Variants in ABI3BP observed in about 807,000 individuals in gnomAD.
ABI3BP encodes the protein ABI family member 3 binding protein.
Under a neutral mutation model 268.6 loss-of-function variants are expected in ABI3BP, and 216 were observed. The observed-to-expected ratio is 0.80, with a 90% CI of 0.72 to 0.90. The LOEUF is 0.90. Among genes scored for constraint, ABI3BP ranks in the 40% least tolerant of loss-of-function variants. ABI3BP has a pLI of 0.00. For missense variants in ABI3BP, 2,090 were observed against 2,182.4 expected, an observed-to-expected ratio of 0.96 and a Z score of 0.84; for synonymous variants, 730 against 730.0, an observed-to-expected ratio of 1.00 and a Z score of 0.00.
intron 57 of ABI3BP, among the ~76,000 whole-genome samples, chr3:100,780,975 G>A (rs1277035347): frequency 1.3e-5 from 2 of 151,332 alleles, no homozygotes; most frequent in Non-Finnish European, 3.0e-5. Flanking sequence ...ATCTTCCTTG[G>A]TTTGGGTGAC....
chr3:100,956,167 C>A (rs557603920), intron 1 of ABI3BP, among the ~76,000 whole-genome samples: 328 of 147,400 alleles, frequency 2.2e-3, no homozygotes, highest in Non-Finnish European at 3.9e-3. Context: ...CTAGCCTGGG[C>A]GACAGAGCAA....
intron 2 of ABI3BP, among the ~76,000 whole-genome samples, chr3:100,922,360 C>T (rs1308155373): frequency 6.6e-6 from 1 of 152,040 alleles, no homozygotes; most frequent in Admixed American, 6.6e-5. Flanking sequence ...TGTGAGGTTG[C>T]GTGACAAAGG....
rs775161710 is a variant in ABI3BP, at chr3:100,762,805, T to C, written c.4850+3036A>G. Among the ~76,000 whole-genome samples, 5 of 152,246 alleles carry C rather than the reference T, an allele frequency of 3.3e-5. No individual in the cohort carries two copies. The Middle Eastern group carries it at 0.01, about 311-fold the overall frequency. ...ATTGAACTCCTTGACCACCATAAAG[T>C]TTCACATACTGAGGACTAAACAGTG... On this transcript the variant is annotated intron_variant, in intron 63 of 67. Coordinates refer to ENST00000471714, the MANE Select transcript of ABI3BP (RefSeq NM_001375547.2).
At chr3:100,806,968 C>T (rs1244124977) in intron 50 of ABI3BP, among the ~76,000 whole-genome samples, 2 of 151,976 alleles carry the variant, frequency 1.3e-5, no homozygotes, top group East Asian at 1.9e-4. Flanking sequence ...ATAAATTTTT[C>T]CTATTACTTC....
At chr3:100,905,792 T>A (rs1472546330) in intron 2 of ABI3BP, among the ~76,000 whole-genome samples, 1 of 152,212 alleles carries the variant, frequency 6.6e-6, no homozygotes. Flanking sequence ...TATAAAGATA[T>A]AAAGTAAACT....
At chr3:100,761,455 T>C (rs1451672459) in intron 63 of ABI3BP, among the ~76,000 whole-genome samples, 1 of 152,174 alleles carries the variant, frequency 6.6e-6, no homozygotes, top group Non-Finnish European at 1.5e-5. Flanking sequence ...GCTGCACCTT[T>C]GGAGCTGCAC....
At chr3:100,897,493 G>C (rs149938184) in intron 4 of ABI3BP, among the ~76,000 whole-genome samples, 1 of 152,082 alleles carries the variant, frequency 6.6e-6, no homozygotes, top group Non-Finnish European at 1.5e-5. Context: ...GTACAAAAAA[G>C]AATGAATTAT....
At chr3:100,818,431 TGACA>T in intron 41 of ABI3BP, 90 bp downstream of exon 41, 1 of 1,047,380 alleles carries the variant, frequency 9.5e-7, no homozygotes, top group Non-Finnish European at 1.4e-6. Context: ...TGACAAAGAA[TGACA>T]GGATGGTCTT....
intron 63 of ABI3BP, among the ~76,000 whole-genome samples, chr3:100,761,661 C>A (rs1405523476): frequency 6.6e-6 from 1 of 152,128 alleles, no homozygotes; most frequent in Non-Finnish European, 1.5e-5. Flanking sequence ...GGGGAATACT[C>A]CACTGTCACT....
At chr3:100,980,409 G>T (rs563957794) in intron 1 of ABI3BP, among the ~76,000 whole-genome samples, 23 of 152,180 alleles carry the variant, frequency 1.5e-4, no homozygotes, top group African/African-American at 4.6e-4. Context: ...AACATGGCAT[G>T]CACAGTGCAA....
chr3:100,869,946 T>G (rs923121247), intron 9 of ABI3BP, among the ~76,000 whole-genome samples: 1 of 152,198 alleles, frequency 6.6e-6, no homozygotes, highest in Non-Finnish European at 1.5e-5. Flanking sequence ...CTTGGGGATG[T>G]GTGTGTAATC....
chr3:100,854,902 C>A (rs1453386784), intron 14 of ABI3BP, among the ~76,000 whole-genome samples: 2 of 151,576 alleles, frequency 1.3e-5, no homozygotes, highest in Non-Finnish European at 2.9e-5. Context: ...TTGCTCTACA[C>A]CTTCTTAAAA....
At chr3:100,805,895 G>C (rs1160999766) in intron 50 of ABI3BP, among the ~76,000 whole-genome samples, 1 of 151,904 alleles carries the variant, frequency 6.6e-6, no homozygotes, top group Non-Finnish European at 1.5e-5. Flanking sequence ...TTCTCAAGGA[G>C]CTTCACAAAT....
At chr3:100,817,530 T>G (rs2098093182) in intron 41 of ABI3BP, 35 bp from the exon 42 acceptor site, 6 of 1,335,128 alleles carry the variant, frequency 4.5e-6, no homozygotes, top group Non-Finnish European at 6.0e-6. Context: ...CAAAAAGATT[T>G]AACTTGAATA....
intron 3 of ABI3BP, among the ~76,000 whole-genome samples, chr3:100,901,429 C>T (rs1389895069): frequency 6.7e-6 from 1 of 149,008 alleles, no homozygotes; most frequent in Non-Finnish European, 1.5e-5. Flanking sequence ...AAAAGATGAA[C>T]ATGCTTTGGC....
chr3:100,809,075 C>G lies in ABI3BP; in HGVS notation c.3608-840G>C, dbSNP rs549190356. On this transcript the variant is annotated intron_variant, in intron 49 of 67. Transcript: ENST00000471714. ...TGAAGGAGTCTGCAGAATCTTCTTC[C>G]TGATACTAAATGAAAAAATACAAGG... 1.9e-3 allele frequency among the ~76,000 whole-genome samples: 291 copies of G among 151,948 alleles called. 1 individual carries two copies. The highest frequency in any genetic ancestry group is 3.8e-3 in the Non-Finnish European group (259 of 67,940).
intron 1 of ABI3BP, among the ~76,000 whole-genome samples, chr3:100,958,518 G>A (rs2077629148): frequency 6.6e-6 from 1 of 152,220 alleles, no homozygotes; most frequent in Non-Finnish European, 1.5e-5. Context: ...TAAAACAGGA[G>A]TATATTATGA....
At chr3:100,815,204 T>C (rs1350667219) in intron 44 of ABI3BP, among the ~76,000 whole-genome samples, 1 of 152,148 alleles carries the variant, frequency 6.6e-6, no homozygotes, top group Non-Finnish European at 1.5e-5. Flanking sequence ...GAAAGCATTG[T>C]ATGTAGACTT....
intron 14 of ABI3BP, among the ~76,000 whole-genome samples, chr3:100,853,037 G>A (rs1042394952): frequency 6.6e-6 from 1 of 152,126 alleles, no homozygotes; most frequent in Non-Finnish European, 1.5e-5. Flanking sequence ...TAGTCATTGG[G>A]GTTACTTGTA....
Sources: allele counts gnomAD v4.1 joint callset (sites outside exome capture counted in the v4.1 genomes callset), GRCh38; gene constraint gnomAD v4.1.1; transcripts MANE v1.5; gene names NCBI Gene and HGNC (gene_info 2026-07-23, HGNC 2026-07-21).